The following DOCK9 variants were observed in gnomAD, a reference collection of about 807,000 sequenced individuals.
DOCK9 encodes dedicator of cytokinesis 9, also known as dedicator of cytokinesis protein 9.
DOCK9 carries 89 observed loss-of-function variants against 263.3 expected under a neutral mutation model. The ratio of observed to expected loss-of-function variants is 0.34; its 90% CI spans 0.28 to 0.40. DOCK9 has a LOEUF of 0.40. Among genes scored for constraint, DOCK9 ranks in the 10% least tolerant of loss-of-function variants. The pLI, the probability that DOCK9 is intolerant of heterozygous loss-of-function variation, is 1.00. For missense variants in DOCK9, 2,140 were observed against 2,603.4 expected, an observed-to-expected ratio of 0.82 and a Z score of 3.87; for synonymous variants, 976 against 973.1, an observed-to-expected ratio of 1.00 and a Z score of -0.06.
intron 1 of DOCK9, among the ~76,000 whole-genome samples, chr13:98,984,711 C>G (rs1878036249): frequency 6.6e-6 from 1 of 152,178 alleles, no homozygotes; most frequent in Non-Finnish European, 1.5e-5. Context: ...GTTCTAGCCA[C>G]TCACTATGCC....
At chr13:99,035,305 G>A (rs1485734471) in intron 1 of DOCK9, among the ~76,000 whole-genome samples, 2 of 152,170 alleles carry the variant, frequency 1.3e-5, no homozygotes, top group African/African-American at 4.8e-5. Flanking sequence ...AGAGACTGAT[G>A]AATACCTCCC....
At chr13:99,018,494 G>T (rs933206837) in intron 1 of DOCK9, among the ~76,000 whole-genome samples, 1 of 152,080 alleles carries the variant, frequency 6.6e-6, no homozygotes, top group African/African-American at 2.4e-5. Context: ...TATAGCAGCA[G>T]AAAATGGACC....
chr13:98,904,553 A>G (rs888208909), intron 10 of DOCK9, 79 bp downstream of exon 10: 2 of 1,070,296 alleles, frequency 1.9e-6, no homozygotes, highest in African/African-American at 1.6e-5. Context: ...AACAAAGCAA[A>G]CAAATAAACA....
intron 3 of DOCK9, among the ~76,000 whole-genome samples, chr13:98,928,357 C>A (rs1350503974): frequency 6.6e-6 from 1 of 152,128 alleles, no homozygotes; most frequent in Non-Finnish European, 1.5e-5. Flanking sequence ...TTGTTTTAAG[C>A]CATTAGGTCA....
chr13:98,853,098 C>T (rs573707207), intron 35 of DOCK9, among the ~76,000 whole-genome samples: 1 of 152,156 alleles, frequency 6.6e-6, no homozygotes, highest in African/African-American at 2.4e-5. Flanking sequence ...TATTTATGTG[C>T]TTCTATCTCC....
intron 1 of DOCK9, among the ~76,000 whole-genome samples, chr13:99,012,962 C>G (rs1433028693): frequency 1.3e-5 from 2 of 152,172 alleles, no homozygotes; most frequent in Non-Finnish European, 2.9e-5. Context: ...AGTAGTTTCT[C>G]CAAGTTCAAG....
At chr13:98,818,585 A>C (rs1490718227) in intron 45 of DOCK9, among the ~76,000 whole-genome samples, 3 of 151,992 alleles carry the variant, frequency 2.0e-5, no homozygotes, top group Admixed American at 1.3e-4. Flanking sequence ...CTGTTAAGTA[A>C]AAGCTGGTTG....
intron 20 of DOCK9, 142 bp downstream of exon 20, chr13:98,885,566 C>G (rs1282598310): frequency 1.1e-6 from 1 of 871,510 alleles, no homozygotes; most frequent in Non-Finnish European, 1.6e-6. Context: ...ACATATGCAA[C>G]CCAGACATGC....
At chr13:98,906,275 T>C (rs1021793765) in intron 9 of DOCK9, among the ~76,000 whole-genome samples, 1 of 151,858 alleles carries the variant, frequency 6.6e-6, no homozygotes, top group Non-Finnish European at 1.5e-5. Flanking sequence ...GACAAAATCC[T>C]GGGGGCCCAA....
rs778753619 is a variant in DOCK9 at position 98,860,481 on chromosome 13, C to T, written c.3621G>A (p.Pro1207=). The change falls in exon 33 of 53, where the codon CCG becomes CCA. Residue 1207 remains proline (P), a synonymous_variant. Transcript: ENST00000682017. ...DESLALPAVN[P]LVTPQKGSTL... ...TGCTTCCCTTCTGCGGCGTCACCAG[C>T]GGATTCACAGCTGGTAGAGCCAGGG... The T allele has an allele frequency of 1.8e-5, 29 of 1,584,394 alleles. No individual in the cohort carries two copies. The highest frequency in any genetic ancestry group is 2.0e-5 in the Non-Finnish European group (23 of 1,164,152).
At chr13:98,896,359 T>G (rs753932660) in intron 15 of DOCK9, among the ~76,000 whole-genome samples, 1 of 152,162 alleles carries the variant, frequency 6.6e-6, no homozygotes, top group Non-Finnish European at 1.5e-5. Flanking sequence ...TGAGCCTGTT[T>G]CTATGACTCA....
chr13:99,063,923 C>A (rs1185993244), intron 1 of DOCK9, among the ~76,000 whole-genome samples: 3 of 152,140 alleles, frequency 2.0e-5, no homozygotes, highest in Non-Finnish European at 4.4e-5. Flanking sequence ...CGCTGAGGAG[C>A]ACTCCCTCCC....
chr13:98,860,653 G>A (rs966398150), intron 32 of DOCK9, 131 bp from the exon 33 acceptor site: 2 of 597,470 alleles, frequency 3.3e-6, no homozygotes, highest in African/African-American at 1.9e-5. Flanking sequence ...TGCATGGGAG[G>A]AGTAGCCTTG....
intron 15 of DOCK9, among the ~76,000 whole-genome samples, chr13:98,894,926 T>A (rs79164790): frequency 0.065 from 7,979 of 123,310 alleles, 317 homozygotes; most frequent in East Asian, 0.21. Flanking sequence ...CTGGGCAAGA[T>A]GGTGAGATAT....
intron 49 of DOCK9, among the ~76,000 whole-genome samples, chr13:98,803,694 T>G (rs1460008156): frequency 6.6e-6 from 1 of 152,194 alleles, no homozygotes; most frequent in Non-Finnish European, 1.5e-5. Flanking sequence ...GCGCAGTTAT[T>G]TGGCTTAATG....
chr13:98,863,566 A>G lies in DOCK9; in HGVS notation c.3287-18T>C, dbSNP rs1321258312. 3.2e-6 allele frequency: 5 copies of G among 1,586,320 alleles called. No homozygotes were observed. Among genetic ancestry groups the G allele is most frequent in the Non-Finnish European group, 4.3e-6 (5 of 1,163,082 alleles). On this transcript the variant is annotated intron_variant, in intron 30 of 52. Coordinates refer to ENST00000682017, the MANE Select transcript of DOCK9 (RefSeq NM_001366683.2). ...CTGGAGGTCTGAAATGAGGATAGAAACTACTTGAGTTAGGAAAGATGCAAT... is the reference window on the plus strand; with the variant it reads ...CTGGAGGTCTGAAATGAGGATAGAAGCTACTTGAGTTAGGAAAGATGCAAT...
At chr13:99,080,261 A>ACG (rs2042074528) in intron 1 of DOCK9, among the ~76,000 whole-genome samples, 1 of 79,806 alleles carries the variant, frequency 1.3e-5, no homozygotes, top group African/African-American at 4.8e-5. Flanking sequence ...CTAAGTGCCT[A>ACG]CACACACACA....
intron 1 of DOCK9, among the ~76,000 whole-genome samples, chr13:99,064,696 A>G (rs905382746): frequency 4.6e-5 from 7 of 152,254 alleles, no homozygotes; most frequent in African/African-American, 1.7e-4. Flanking sequence ...TGGAAAGGAC[A>G]TTCCTGAAAA....
chr13:99,025,730 A>G (rs1886630359), intron 1 of DOCK9, among the ~76,000 whole-genome samples: 1 of 152,260 alleles, frequency 6.6e-6, no homozygotes, highest in South Asian at 2.1e-4. Context: ...ATGTTCCCAC[A>G]AAAACTTATA....
Sources: gnomAD v4.1 joint callset for allele counts (sites outside exome capture counted in the v4.1 genomes callset) on GRCh38, gnomAD v4.1.1 for gene constraint, MANE v1.5 for transcripts, NCBI Gene and HGNC (gene_info 2026-07-23, HGNC 2026-07-21) for gene names.